PDCD4: variants seen among roughly 807,000 people sequenced by gnomAD.
PDCD4 encodes the protein programmed cell death 4.
PDCD4 carries 56 observed loss-of-function variants against 54.0 expected under a neutral mutation model. The ratio of observed to expected loss-of-function variants is 1.04; its 90% CI spans 0.84 to 1.30. The LOEUF (loss-of-function observed/expected upper bound fraction) is 1.30, where lower values mean the gene tolerates loss of function less well. Among genes scored for constraint, PDCD4 ranks in the 50% most tolerant of loss-of-function variants. The probability of loss-of-function intolerance (pLI) is 0.00; values close to 1 mark genes in which losing one functional copy is unlikely to be tolerated. For missense variants in PDCD4, 584 were observed against 559.8 expected, an observed-to-expected ratio of 1.04 and a Z score of -0.44; for synonymous variants, 186 against 194.8, an observed-to-expected ratio of 0.95 and a Z score of 0.37.
At position 110,876,069 on chromosome 10, in the gene PDCD4, A is replaced by AG; in HGVS notation, c.43+1dup. On this transcript the variant is annotated frameshift_variant and splice_region_variant, in exon 2 of 12. Transcript: ENST00000280154. LOFTEE classifies it high-confidence loss of function. Reference sequence around the variant, plus strand: ...AGCAGATACTGAATGTAAACCCTGCAGGTAAGTAAGGATATCCTTTTTTCT... The same window carrying AG: ...AGCAGATACTGAATGTAAACCCTGCAGGGTAAGTAAGGATATCCTTTTTTCT... The AG allele has an allele frequency of 6.2e-7, 1 of 1,607,956 alleles. No homozygotes were observed. The highest frequency in any genetic ancestry group is 8.5e-7 in the Non-Finnish European group (1 of 1,176,368).
chr10:110,892,841 CA>C (rs1845776306), intron 8 of PDCD4, among the ~76,000 whole-genome samples: 1 of 152,172 alleles, frequency 6.6e-6, no homozygotes, highest in Admixed American at 6.5e-5. Flanking sequence ...TTGAATCACC[CA>C]GAGTAACTTC....
chr10:110,878,547 T>C (rs964912523), intron 2 of PDCD4, among the ~76,000 whole-genome samples: 19 of 152,236 alleles, frequency 1.2e-4, no homozygotes, highest in African/African-American at 4.3e-4. Context: ...CTAATTTATG[T>C]GATCCTGATC....
chr10:110,873,467 C>T (rs953516161), intron 1 of PDCD4, among the ~76,000 whole-genome samples: 4 of 152,150 alleles, frequency 2.6e-5, no homozygotes, highest in Non-Finnish European at 5.9e-5. Flanking sequence ...AGTGGAGGGT[C>T]TGTCTCTTAG....
At position 110,881,550 on chromosome 10, in the gene PDCD4, T is replaced by C. The variant is rs757992288; in HGVS notation, c.346+15T>C. On this transcript the variant is annotated intron_variant, in intron 3 of 11. Transcript: ENST00000280154. The stretch of plus-strand genomic sequence containing the variant: ...ACCAAAGAAAGGTTGGTATATATCA[T>C]GTCCAACAAATGGAAGATAAACAAG... 3.8e-6 allele frequency: 6 copies of C among 1,577,774 alleles called. No homozygotes were observed. The highest frequency in any genetic ancestry group is 3.5e-6 in the Non-Finnish European group (4 of 1,159,370).
At chr10:110,887,952 T>G (rs911386813) in intron 6 of PDCD4, 66 bp downstream of exon 6, 6 of 1,088,922 alleles carry the variant, frequency 5.5e-6, no homozygotes, top group Non-Finnish European at 6.8e-6. Context: ...GGAAATAATG[T>G]ATACTCCTAG....
chr10:110,890,419 A>AAGTGTTTT (rs1845736611), intron 7 of PDCD4, 137 bp from the exon 8 acceptor site: 1 of 450,990 alleles, frequency 2.2e-6, no homozygotes, highest in African/African-American at 2.0e-5. Context: ...TGTTTTGAAA[A>AAGTGTTTT]AGTGTTTTGA....
chr10:110,888,089 T>C (rs1845697882), intron 6 of PDCD4, among the ~76,000 whole-genome samples: 1 of 152,168 alleles, frequency 6.6e-6, no homozygotes, highest in South Asian at 2.1e-4. Context: ...TGCTATAAAT[T>C]TAATGTTATC....
chr10:110,899,655 G>C lies in PDCD4; in HGVS notation c.*1567G>C, dbSNP rs1845929413. On this transcript the variant is annotated 3_prime_UTR_variant, in exon 12 of 12. Transcript: ENST00000280154. ...TCTATTAAAAATACAAAAGTAGCCAGGCATGGTGGCGCATGCGTGTAATCC... is the reference window on the plus strand; with the variant it reads ...TCTATTAAAAATACAAAAGTAGCCACGCATGGTGGCGCATGCGTGTAATCC... The C allele has an allele frequency of 6.6e-6, 1 of 152,206 alleles. No homozygotes were observed. The highest frequency in any genetic ancestry group is 1.5e-5 in the Non-Finnish European group (1 of 68,092). The allele number at this position is 152,206 out of a possible 1,614,324, so 9.4% of individuals were successfully genotyped here. A position where few individuals can be genotyped will look rare whatever the true frequency, so the allele number is the denominator to read the frequency against.
chr10:110,894,695 T>G (rs935045950), intron 10 of PDCD4, among the ~76,000 whole-genome samples, 173 bp downstream of exon 10: 11 of 151,630 alleles, frequency 7.3e-5, no homozygotes, highest in African/African-American at 2.2e-4. Flanking sequence ...TTTGCAACCA[T>G]TTTTTGGAAA....
At chr10:110,883,219 A>T in intron 4 of PDCD4, 122 bp downstream of exon 4, 2 of 643,144 alleles carry the variant, frequency 3.1e-6, no homozygotes, top group Non-Finnish European at 5.3e-6. Context: ...TAGGAAACCA[A>T]GTAAACTGAC....
intron 2 of PDCD4, 69 bp downstream of exon 2, chr10:110,876,139 TG>T: frequency 7.9e-7 from 1 of 1,259,326 alleles, no homozygotes; most frequent in South Asian, 1.3e-5. Context: ...TCACCCAGGC[TG>T]GAGTGCAGTG....
At chr10:110,887,240 A>G (rs888766166) in intron 5 of PDCD4, among the ~76,000 whole-genome samples, 2 of 152,122 alleles carry the variant, frequency 1.3e-5, no homozygotes. Context: ...ATAGTAACAT[A>G]CTATACAGGT....
At chr10:110,894,013 G>A (rs1845793263) in intron 8 of PDCD4, 78 bp from the exon 9 acceptor site, 1 of 801,510 alleles carries the variant, frequency 1.2e-6, no homozygotes, top group Non-Finnish European at 2.1e-6. Context: ...ATTGGAATGA[G>A]GGCAAATAAT....
At chr10:110,872,228 G>C (rs1403460826) in intron 1 of PDCD4, 1 of 152,398 alleles carries the variant, frequency 6.6e-6, no homozygotes, top group Non-Finnish European at 1.5e-5. Context: ...CCGGACTGCG[G>C]GCATCCGGCC....
rs776963796 is a variant in PDCD4 at position 110,895,977 on chromosome 10, G to A, written c.1239G>A (p.Pro413=). ...ATGAGAGAATTTACAATGAAATTCC[G>A]GACATTAATCTGGATGTCCCACATT... ...RGYERIYNEI[P]DINLDVPHSY... The change falls in exon 11 of 12, where the codon CCG becomes CCA. Residue 413 remains proline (P), a synonymous_variant. Coordinates refer to ENST00000280154, the MANE Select transcript of PDCD4 (RefSeq NM_014456.5). 6 of 1,602,878 alleles carry A rather than the reference G, an allele frequency of 3.7e-6. No individual in the cohort carries two copies. The highest frequency in any genetic ancestry group is 2.3e-5 in the East Asian group (1 of 44,392).
intron 2 of PDCD4, among the ~76,000 whole-genome samples, chr10:110,877,955 A>G (rs887244571): frequency 6.6e-6 from 1 of 152,198 alleles, no homozygotes; most frequent in Non-Finnish European, 1.5e-5. Flanking sequence ...AAGTGTGGTA[A>G]TGTTATTCTA....
At position 110,894,354 on chromosome 10, in the gene PDCD4, T is replaced by A. The variant is rs1845799111; in HGVS notation, c.1099-58T>A. On this transcript the variant is annotated intron_variant, in intron 9 of 11. Transcript: ENST00000280154. ...ATTACAGAAGGCATCTAGGTGCATT[T>A]TAGGAGCAGTTTCATATATGAATTA... The A allele has an allele frequency of 7.3e-6, 7 of 958,546 alleles. No homozygotes were observed. In the East Asian group the frequency reaches 1.7e-4, roughly 23 times the overall value. The allele number at this position is 958,546 out of a possible 1,614,324, so 59.4% of individuals were successfully genotyped here. A position where few individuals can be genotyped will look rare whatever the true frequency, so the allele number is the denominator to read the frequency against.
intron 3 of PDCD4, among the ~76,000 whole-genome samples, chr10:110,882,410 CTTTTGGTTG>C (rs1845606125): frequency 6.6e-6 from 1 of 152,098 alleles, no homozygotes; most frequent in South Asian, 2.1e-4. Context: ...TGTTAAGCTT[CTTTTGGTTG>C]TTTTGTATTT....
chr10:110,891,372 A>G lies in PDCD4; in HGVS notation c.990+702A>G, dbSNP rs1033155791. ...CAGTGAGCTGAGATCACACCACTGC[A>G]CTCCAGCATGGGTGACAGAGCAAGA... On this transcript the variant is annotated intron_variant, in intron 8 of 11. Coordinates refer to ENST00000280154, the MANE Select transcript of PDCD4 (RefSeq NM_014456.5). 8.8e-5 allele frequency among the ~76,000 whole-genome samples: 12 copies of G among 136,088 alleles called. No individual in the cohort carries two copies. The East Asian group carries it at 2.5e-3, about 29-fold the overall frequency. The allele number at this position is 136,088 out of a possible 152,430, so 89.3% of individuals were successfully genotyped here.
Sources: allele counts gnomAD v4.1 joint callset (sites outside exome capture counted in the v4.1 genomes callset), GRCh38; gene constraint gnomAD v4.1.1; transcripts MANE v1.5; gene names NCBI Gene and HGNC (gene_info 2026-07-23, HGNC 2026-07-21).